GPI: variants seen among roughly 807,000 people sequenced by gnomAD.
The protein encoded by GPI is glucose-6-phosphate isomerase, also known as D-hexose-6-phosphate anomerase.
In GPI, 56 loss-of-function variants were observed where a neutral mutation model predicts 75.8. The ratio of observed to expected loss-of-function variants is 0.74; its 90% confidence interval spans 0.60 to 0.92. The LOEUF (loss-of-function observed/expected upper bound fraction) is 0.92, where lower values mean the gene tolerates loss of function less well. Among genes scored for constraint, GPI ranks in the 40% least tolerant of loss-of-function variants. The probability of loss-of-function intolerance (pLI) is 0.00; values close to 1 mark genes in which losing one functional copy is unlikely to be tolerated. For synonymous variants in GPI, 288 were observed against 285.4 expected, an observed-to-expected ratio of 1.01 and a Z score of -0.09; for missense variants, 638 against 741.0, an observed-to-expected ratio of 0.86 and a Z score of 1.61.
chr19:34,394,109 G>T (rs369037901), intron 12 of GPI, 43 bp downstream of exon 12: 3 of 1,518,458 alleles, frequency 2.0e-6, no homozygotes, highest in Middle Eastern at 1.7e-4. Context: ...CAAGATTTGT[G>T]GGGGGTCTGG....
Position 34,377,518 on chromosome 19 carries a change from G to C in GPI, c.418G>C (p.Asp140His), listed in dbSNP as rs1447174024. The C allele has an allele frequency of 6.2e-7, 1 of 1,612,640 alleles. No homozygotes were observed. The highest frequency in any genetic ancestry group is 8.5e-7 in the Non-Finnish European group (1 of 1,179,294). ...KSFCQRVRSGDWKGYTGKTIT... is the reference protein window; with the variant it reads ...KSFCQRVRSGHWKGYTGKTIT... ...CCTGTGCCAGCGTGTCCGGAGCGGT[G>C]ACTGGAAGGGGTACACAGGCAAGAC... The change falls in exon 5 of 18, where the codon GAC becomes CAC. Residue 140 changes from aspartate to histidine, a missense_variant. Physicochemically the swap from Asp to His is moderately conservative, Grantham distance 81 (BLOSUM62 -1). Coordinates refer to ENST00000356487, the MANE Select transcript of GPI (RefSeq NM_000175.5).
intron 9 of GPI, among the ~76,000 whole-genome samples, chr19:34,384,775 G>A (rs1398142877): frequency 2.6e-5 from 4 of 152,294 alleles, no homozygotes; most frequent in African/African-American, 9.6e-5. Context: ...AGGCACAGTG[G>A]CTCACACCTA....
rs117702838 is a variant in GPI, at chr19:34,398,962, C to T, written c.1270-245C>T. The T allele has an allele frequency of 0.058, 21,581 of 370,236 alleles. 853 individuals are homozygous for T. Among genetic ancestry groups the T allele is most frequent in the Non-Finnish European group, 0.076 (14,741 of 195,182 alleles). 22.9% of individuals were successfully genotyped at this position (370,236 alleles called of 1,614,324 possible). The stretch of plus-strand genomic sequence containing the variant: ...CCTCGTGGTCCATCCGCCTCGGCCT[C>T]CCAAAGTGTCGGGATTACAGGCGTG... On this transcript the variant is annotated intron_variant, in intron 14 of 17. Transcript: ENST00000356487.
chr19:34,396,527 A>G, intron 13 of GPI, 54 bp from the exon 14 acceptor site: 1 of 1,610,930 alleles, frequency 6.2e-7, no homozygotes, highest in South Asian at 1.1e-5. Flanking sequence ...TCTAGGCCAT[A>G]TGGCTAGCTC....
intron 3 of GPI, 162 bp downstream of exon 3, chr19:34,367,013 G>A (rs996186253): frequency 8.5e-6 from 6 of 708,134 alleles, no homozygotes; most frequent in Admixed American, 2.0e-5. Flanking sequence ...GCAGGGCTTT[G>A]GGGTGTGCCT....
rs1193003898 is a variant in GPI, at chr19:34,401,639, T to C, written c.*1603T>C. On this transcript the variant is annotated 3_prime_UTR_variant, in exon 18 of 18. Coordinates refer to ENST00000356487, the MANE Select transcript of GPI (RefSeq NM_000175.5). Reference sequence around the variant, plus strand: ...CAGGCGTGAGCCGCCACACCCAGCCTATTCAAAATTTTTTTTTCTTAGAGA... The same window carrying C: ...CAGGCGTGAGCCGCCACACCCAGCCCATTCAAAATTTTTTTTTCTTAGAGA... The C allele has an allele frequency of 6.6e-6, 1 of 150,672 alleles. No individual in the cohort carries two copies. The highest frequency in any genetic ancestry group is 1.5e-5 in the Non-Finnish European group (1 of 67,630). The allele number at this position is 150,672 out of a possible 1,614,324, so 9.3% of individuals were successfully genotyped here. A position where few individuals can be genotyped will look rare whatever the true frequency, so the allele number is the denominator to read the frequency against.
In GPI at chr19:34,393,509, C is replaced by T. The variant is rs1350863224; in HGVS notation, c.865+201C>T. The stretch of plus-strand genomic sequence containing the variant: ...TGCAAGTTGGCCCCCGTCTTTGCCC[C>T]TCACAACTGCAGTCCTGTTTCTCTC... On this transcript the variant is annotated intron_variant, in intron 10 of 17. Coordinates refer to ENST00000356487, the MANE Select transcript of GPI (RefSeq NM_000175.5). This position sits in a 1 kb window ranked among gnomAD's most constrained non-coding sequence, Gnocchi z 4.4. 2.8e-6 allele frequency: 2 copies of T among 710,480 alleles called. No individual in the cohort carries two copies. Among genetic ancestry groups the T allele is most frequent in the South Asian group, 1.6e-5 (1 of 63,160 alleles). The allele number at this position is 710,480 out of a possible 1,614,324, so 44.0% of individuals were successfully genotyped here.
chr19:34,382,292 G>A (rs750640500), intron 9 of GPI, among the ~76,000 whole-genome samples: 8 of 152,154 alleles, frequency 5.3e-5, no homozygotes, highest in Admixed American at 4.6e-4. Context: ...TCCCACCTGG[G>A]GCTGTCTCCA....
rs777692828 is a variant in GPI, at chr19:34,399,263, G to A, written c.1326G>A (p.Thr442=). The change falls in exon 15 of 18, where the codon ACG becomes ACA. Residue 442 remains threonine (T), a synonymous_variant. Transcript: ENST00000356487. The part of the protein sequence containing the change: ...QTEALMRGKS[T]EEARKELQAA... ...AGGCCCTGATGAGGGGAAAATCGAC[G>A]GAGGAGGCCCGAAAGGAGCTCCAGG... 12 of 1,613,846 alleles carry A rather than the reference G, an allele frequency of 7.4e-6. No individual in the cohort carries two copies. Among genetic ancestry groups the A allele is most frequent in the South Asian group, 6.6e-5 (6 of 91,082 alleles).
Position 34,393,553 on chromosome 19 carries a change from G to C in GPI, c.866-175G>C. The C allele has an allele frequency of 1.4e-6, 1 of 722,584 alleles. No homozygotes were observed. The highest frequency in any genetic ancestry group is 2.4e-6 in the Non-Finnish European group (1 of 409,662). The allele number at this position is 722,584 out of a possible 1,614,324, so 44.8% of individuals were successfully genotyped here. On this transcript the variant is annotated intron_variant, in intron 10 of 17. Transcript: ENST00000356487. The surrounding 1 kb of genome is among the most constrained non-coding windows in gnomAD (Gnocchi z 4.4). The stretch of plus-strand genomic sequence containing the variant: ...TTCTCTCCTATCCTAGGCAGAGTCA[G>C]ATCCCTGCACTCAGGGCCACCTCTC...
chr19:34,378,654 C>T (rs1485024777), intron 6 of GPI, among the ~76,000 whole-genome samples: 1 of 152,180 alleles, frequency 6.6e-6, no homozygotes, highest in Non-Finnish European at 1.5e-5. Flanking sequence ...ACCTTCCAGC[C>T]TGGGCCGAAG....
chr19:34,389,465 G>A lies in GPI; in HGVS notation c.805-3783G>A, dbSNP rs188387108. The stretch of plus-strand genomic sequence containing the variant: ...AGGTGCTATGCTTCCCCCTGCCTCA[G>A]TGGGCTTCCAGGAGAGAATTAAGCC... On this transcript the variant is annotated intron_variant, in intron 9 of 17. Transcript: ENST00000356487. Among the ~76,000 whole-genome samples, 427 of 152,266 alleles carry A rather than the reference G, an allele frequency of 2.8e-3. 1 individual carries two copies. Among genetic ancestry groups the A allele is most frequent in the Middle Eastern group, 0.02 (6 of 294 alleles).
chr19:34,385,925 A>G (rs1192626090), intron 9 of GPI, among the ~76,000 whole-genome samples: 3 of 152,170 alleles, frequency 2.0e-5, no homozygotes, highest in African/African-American at 7.2e-5. Flanking sequence ...ACAGGTAGGT[A>G]GAGATAGTCT....
intron 8 of GPI, chr19:34,379,787 A>T: frequency 1.5e-6 from 1 of 646,498 alleles, no homozygotes; most frequent in Non-Finnish European, 2.8e-6. Flanking sequence ...TGGGATCACG[A>T]TAACCCCTTC....
intron 4 of GPI, among the ~76,000 whole-genome samples, chr19:34,372,142 G>GAACTC: frequency 6.6e-6 from 1 of 151,810 alleles, no homozygotes; most frequent in South Asian, 2.1e-4. Context: ...TGTTGGTCAG[G>GAACTC]CTGGTCTCGA....
chr19:34,393,764 A>G lies in GPI; in HGVS notation c.902A>G (p.His301Arg). 2 of 1,613,114 alleles carry G rather than the reference A, an allele frequency of 1.2e-6. No homozygotes were observed. Among genetic ancestry groups the G allele is most frequent in the Non-Finnish European group, 1.7e-6 (2 of 1,179,970 alleles). ...DNFEQLLSGA[H>R]WMDQHFRTTP... ...TTCGAGCAGCTGCTCTCGGGGGCTC[A>G]CTGGATGGTGAGTGCTGAGGCTGGT... The change falls in exon 11 of 18, where the codon CAC becomes CGC. Residue 301 changes from histidine to arginine, a missense_variant. Transcript: ENST00000356487. The surrounding 1 kb of genome is among the most constrained non-coding windows in gnomAD (Gnocchi z 4.4).
chr19:34,383,597 C>T (rs1001840773), intron 9 of GPI, among the ~76,000 whole-genome samples: 4 of 152,164 alleles, frequency 2.6e-5, no homozygotes, highest in Admixed American at 6.5e-5. Flanking sequence ...CGTCAGAGGC[C>T]TCTGAGAATT....
chr19:34,365,496 G>A lies in GPI; in HGVS notation c.122+108G>A, dbSNP rs747829789. 1.2e-5 allele frequency: 18 copies of A among 1,483,594 alleles called. No homozygotes were observed. The South Asian group carries it at 1.8e-4, about 15-fold the overall frequency. The allele number at this position is 1,483,594 out of a possible 1,614,324, so 91.9% of individuals were successfully genotyped here. Reference sequence around the variant, plus strand: ...GCGGTGCCCGGGGACCCCAGTCCCCGACCTCCAGGCCACGGACTGGGGCCC... The same window carrying A: ...GCGGTGCCCGGGGACCCCAGTCCCCAACCTCCAGGCCACGGACTGGGGCCC... On this transcript the variant is annotated intron_variant, in intron 1 of 17. Transcript: ENST00000356487.
At chr19:34,377,325 AAAAAAAAAAAAATATAT>A (rs1253686352) in intron 4 of GPI, among the ~76,000 whole-genome samples, 161 bp from the exon 5 acceptor site, 2,345 of 96,282 alleles carry the variant, frequency 0.024, 160 homozygotes, top group African/African-American at 0.06. Flanking sequence ...AAAAAAAAAA[AAAAAAAAAAAAATATAT>A]ATATATATAT....
Sources: allele counts gnomAD v4.1 joint callset (sites outside exome capture counted in the v4.1 genomes callset), GRCh38; gene constraint gnomAD v4.1.1; non-coding constraint Gnocchi (gnomAD v3.1); transcripts MANE v1.5; gene names NCBI Gene and HGNC (gene_info 2026-07-23, HGNC 2026-07-21).